Variants in NCKAP5 observed in about 807,000 individuals in gnomAD.
NCKAP5 encodes NCK associated protein 5, also known as nck-associated protein 5.
In NCKAP5, 92 loss-of-function variants were observed where a neutral mutation model predicts 167.0. The observed-to-expected ratio is 0.55, with a 90% confidence interval of 0.47 to 0.66. The LOEUF is 0.66. NCKAP5 is among the 30% of genes least tolerant of loss of function. The pLI is 0.00. For synonymous variants in NCKAP5, 891 were observed against 877.4 expected (o/e 1.02, Z -0.27); for missense variants, 2,378 against 2,315.0 (o/e 1.03, Z -0.56).
chr2:133,093,670 G>C (rs1255771160), intron 6 of NCKAP5, among the ~76,000 whole-genome samples: 1 of 152,186 alleles, frequency 6.6e-6, no homozygotes, highest in Non-Finnish European at 1.5e-5. Flanking sequence ...CTCTGCAGTG[G>C]TGGCTTCTGG....
chr2:133,183,523 T>C (rs1036796797), intron 5 of NCKAP5, among the ~76,000 whole-genome samples: 12 of 152,198 alleles, frequency 7.9e-5, no homozygotes, highest in African/African-American at 2.6e-4. Flanking sequence ...CTTCAGCCCA[T>C]TCATGATGAA....
intron 6 of NCKAP5, among the ~76,000 whole-genome samples, chr2:132,995,362 A>AT (rs1573672338): frequency 6.6e-6 from 1 of 152,082 alleles, no homozygotes; most frequent in African/African-American, 2.4e-5. Context: ...TTTAAAAAAC[A>AT]TTTTTTGGCT....
chr2:132,772,368 C>T (rs1415971229), intron 16 of NCKAP5, among the ~76,000 whole-genome samples: 2 of 152,172 alleles, frequency 1.3e-5, no homozygotes, highest in Non-Finnish European at 2.9e-5. Context: ...TAAATTGAAA[C>T]AGCCAACATG....
chr2:133,471,275 T>C (rs1045491003), intron 3 of NCKAP5, among the ~76,000 whole-genome samples: 1 of 152,216 alleles, frequency 6.6e-6, no homozygotes, highest in Non-Finnish European at 1.5e-5. Flanking sequence ...ACAGCCACTT[T>C]ACTCCTGCTA....
At chr2:133,256,310 G>A (rs1002671512) in intron 4 of NCKAP5, among the ~76,000 whole-genome samples, 2 of 151,816 alleles carry the variant, frequency 1.3e-5, no homozygotes, top group Admixed American at 6.6e-5. Context: ...TTACATTGAG[G>A]CATCTAGATG....
chr2:133,506,534 G>C (rs1164654169), intron 3 of NCKAP5, among the ~76,000 whole-genome samples: 2 of 152,164 alleles, frequency 1.3e-5, no homozygotes, highest in Non-Finnish European at 2.9e-5. Context: ...TGAGGAGAAT[G>C]AAGTGGGAGT....
At chr2:133,257,249 T>C (rs2088662899) in intron 4 of NCKAP5, among the ~76,000 whole-genome samples, 1 of 152,150 alleles carries the variant, frequency 6.6e-6, no homozygotes, top group Non-Finnish European at 1.5e-5. Context: ...ACAAGCAATA[T>C]AACTAGGAAC....
chr2:132,705,547 T>C (rs188304060), intron 19 of NCKAP5, among the ~76,000 whole-genome samples: 1 of 152,312 alleles, frequency 6.6e-6, no homozygotes, highest in East Asian at 1.9e-4. Context: ...AACTCTTTCA[T>C]AATCATAATC....
chr2:132,786,672 T>A (rs1683596615), intron 13 of NCKAP5, among the ~76,000 whole-genome samples: 2 of 152,040 alleles, frequency 1.3e-5, no homozygotes, highest in Admixed American at 1.3e-4. Flanking sequence ...AAAAAAAAGC[T>A]AACATTTACT....
chr2:132,678,486 C>A (rs1464401356), intron 19 of NCKAP5, among the ~76,000 whole-genome samples: 1 of 152,086 alleles, frequency 6.6e-6, no homozygotes, highest in Non-Finnish European at 1.5e-5. Flanking sequence ...TTAATGCAAA[C>A]AGGACTTTAA....
At chr2:132,862,236 T>A (rs59131325) in intron 10 of NCKAP5, among the ~76,000 whole-genome samples, 3,886 of 152,328 alleles carry the variant, frequency 0.026, 181 homozygotes, top group African/African-American at 0.088. Context: ...AAGCCTTCTC[T>A]GAGGCTTGAT....
chr2:132,693,268 A>G (rs975748738), intron 19 of NCKAP5, among the ~76,000 whole-genome samples: 3 of 152,196 alleles, frequency 2.0e-5, no homozygotes, highest in Non-Finnish European at 2.9e-5. Flanking sequence ...TTTATTTGGA[A>G]ATAGGTTTTT....
intron 10 of NCKAP5, among the ~76,000 whole-genome samples, chr2:132,863,233 C>T (rs1446512591): frequency 6.6e-6 from 1 of 152,012 alleles, no homozygotes. Context: ...TTTAGTACTG[C>T]TAATTAAGTA....
At chr2:132,828,852 T>A (rs148182082) in intron 11 of NCKAP5, among the ~76,000 whole-genome samples, 56 of 152,048 alleles carry the variant, frequency 3.7e-4, no homozygotes, top group Admixed American at 2.2e-3. Flanking sequence ...TCCTCAGGAG[T>A]CCTGCCCTAG....
intron 4 of NCKAP5, among the ~76,000 whole-genome samples, chr2:133,276,362 A>G (rs2089730976): frequency 6.6e-6 from 1 of 152,110 alleles, no homozygotes; most frequent in South Asian, 2.1e-4. Context: ...CCTAACTCCT[A>G]TGTTGTTCAA....
chr2:132,986,387 C>T (rs1301208964), intron 7 of NCKAP5, among the ~76,000 whole-genome samples: 1 of 152,070 alleles, frequency 6.6e-6, no homozygotes, highest in African/African-American at 2.4e-5. Flanking sequence ...TCTGTCAAAC[C>T]TGGAAACAAC....
chr2:133,031,863 C>T (rs867461708), intron 6 of NCKAP5, among the ~76,000 whole-genome samples: 2 of 152,084 alleles, frequency 1.3e-5, no homozygotes, highest in South Asian at 2.1e-4. Context: ...ACACTCTGGG[C>T]CAGGAAGGAT....
chr2:133,226,073 C>T (rs2086874254), intron 4 of NCKAP5, among the ~76,000 whole-genome samples: 1 of 151,212 alleles, frequency 6.6e-6, no homozygotes. Flanking sequence ...AGATTACAGC[C>T]GTGAGCCACG....
intron 3 of NCKAP5, among the ~76,000 whole-genome samples, chr2:133,309,000 G>A (rs1043337220): frequency 6.6e-5 from 10 of 151,972 alleles, no homozygotes; most frequent in South Asian, 2.1e-4. Flanking sequence ...GTGAGCCACC[G>A]CGCCCGGCCG....
Sources: gnomAD v4.1 joint callset for allele counts (sites outside exome capture counted in the v4.1 genomes callset) on GRCh38, gnomAD v4.1.1 for gene constraint, MANE v1.5 for transcripts, NCBI Gene and HGNC (gene_info 2026-07-23, HGNC 2026-07-21) for gene names.